The following SLIT1 variants were observed in gnomAD, a reference collection of about 807,000 sequenced individuals.
SLIT1 encodes the protein slit guidance ligand 1.
SLIT1 carries 66 observed loss-of-function variants against 186.1 expected under a neutral mutation model. The observed-to-expected ratio is 0.35, with a 90% CI of 0.29 to 0.44. SLIT1 has a LOEUF of 0.44. Among genes scored for constraint, SLIT1 ranks in the 20% least tolerant of loss-of-function variants. SLIT1 has a pLI of 1.00. For synonymous variants in SLIT1, 761 were observed against 833.8 expected (o/e 0.91, Z 1.50); for missense variants, 1,638 against 2,037.4 (o/e 0.80, Z 3.77).
intron 4 of SLIT1, among the ~76,000 whole-genome samples, chr10:97,086,097 C>T (rs887565988): frequency 6.6e-6 from 1 of 152,236 alleles, no homozygotes; most frequent in Non-Finnish European, 1.5e-5. Context: ...AGTGATCATG[C>T]TCCTTGGCGT....
At chr10:97,169,451 G>A (rs748850385) in intron 1 of SLIT1, among the ~76,000 whole-genome samples, 3 of 152,224 alleles carry the variant, frequency 2.0e-5, no homozygotes, top group Non-Finnish European at 2.9e-5. Context: ...CTTAACAGAG[G>A]CTGCTAGAAT....
At chr10:97,052,590 A>G (rs1848799832) in intron 13 of SLIT1, among the ~76,000 whole-genome samples, 1 of 152,218 alleles carries the variant, frequency 6.6e-6, no homozygotes, top group Non-Finnish European at 1.5e-5. Context: ...ACTGAATTGT[A>G]TACTTAGAAC....
chr10:97,170,516 C>A (rs1336194627), intron 1 of SLIT1, among the ~76,000 whole-genome samples: 1 of 152,178 alleles, frequency 6.6e-6, no homozygotes, highest in African/African-American at 2.4e-5. Flanking sequence ...CAGGGCCAAG[C>A]TGAACTGGGA....
intron 13 of SLIT1, among the ~76,000 whole-genome samples, chr10:97,055,076 G>A (rs559022250): frequency 6.6e-6 from 1 of 152,230 alleles, no homozygotes. Flanking sequence ...AATTAGCCAG[G>A]CGTGGTGACG....
rs181785352 is a variant in SLIT1, at chr10:97,099,635, C to T, written c.414-33549G>A. ...ACGTGTGTGTCAGGTGTGCAGGGAG[C>T]GGGGTGCTTCCAGTCTTTCCTTTCA... On this transcript the variant is annotated intron_variant, in intron 4 of 36. Coordinates refer to ENST00000266058, the MANE Select transcript of SLIT1 (RefSeq NM_003061.3). Among the ~76,000 whole-genome samples the T allele has an allele frequency of 1.5e-3, 233 of 152,236 alleles. 1 individual carries two copies. The highest frequency in any genetic ancestry group is 0.014 in the Middle Eastern group (4 of 294).
chr10:97,029,350 T>A (rs1304059965), intron 25 of SLIT1, among the ~76,000 whole-genome samples: 1 of 152,050 alleles, frequency 6.6e-6, no homozygotes, highest in Non-Finnish European at 1.5e-5. Flanking sequence ...TCAAGAAGAG[T>A]GGCTTGGGGC....
chr10:97,013,974 T>A, intron 29 of SLIT1, 45 bp downstream of exon 29: 1 of 1,604,108 alleles, frequency 6.2e-7, no homozygotes, highest in Non-Finnish European at 8.5e-7. Context: ...CAGGGCTGTC[T>A]CTGTTCCCCA....
intron 4 of SLIT1, among the ~76,000 whole-genome samples, chr10:97,141,736 T>C (rs371796963): frequency 1.2e-3 from 152 of 127,444 alleles, no homozygotes; most frequent in South Asian, 3.0e-3. Flanking sequence ...TGTACTGTAT[T>C]GTATCGTATC....
chr10:97,181,682 C>CA (rs1313706859), intron 1 of SLIT1, among the ~76,000 whole-genome samples: 454 of 151,690 alleles, frequency 3.0e-3, no homozygotes, highest in African/African-American at 0.011. Context: ...CCCATCTCTA[C>CA]AAAAAAGGAA....
intron 18 of SLIT1, among the ~76,000 whole-genome samples, 182 bp downstream of exon 18, chr10:97,046,472 G>C (rs1291124100): frequency 6.6e-6 from 1 of 152,246 alleles, no homozygotes; most frequent in Non-Finnish European, 1.5e-5. Context: ...CAAGAGAACA[G>C]GTCTCACCAT....
chr10:97,149,339 C>T (rs144643187), intron 4 of SLIT1, among the ~76,000 whole-genome samples: 1 of 152,322 alleles, frequency 6.6e-6, no homozygotes, highest in East Asian at 1.9e-4. Flanking sequence ...GAAAGCACTT[C>T]GAGAATCCAG....
chr10:97,090,716 C>T (rs1189136121), intron 4 of SLIT1, among the ~76,000 whole-genome samples: 2 of 152,218 alleles, frequency 1.3e-5, no homozygotes, highest in Admixed American at 1.3e-4. Context: ...GTGCCACCAA[C>T]AGCTCCCTTC....
At chr10:97,125,365 G>C (rs1656424802) in intron 4 of SLIT1, among the ~76,000 whole-genome samples, 1 of 151,940 alleles carries the variant, frequency 6.6e-6, no homozygotes, top group Non-Finnish European at 1.5e-5. Flanking sequence ...CAGAAATCCT[G>C]TCTGTACAAA....
At chr10:97,007,020 C>A in intron 31 of SLIT1, among the ~76,000 whole-genome samples, 1 of 152,124 alleles carries the variant, frequency 6.6e-6, no homozygotes, top group South Asian at 2.1e-4. Flanking sequence ...AATAACTCTG[C>A]AAGGCAGATT....
At chr10:97,180,845 C>G (rs1301326866) in intron 1 of SLIT1, among the ~76,000 whole-genome samples, 1 of 152,230 alleles carries the variant, frequency 6.6e-6, no homozygotes, top group African/African-American at 2.4e-5. Flanking sequence ...CCACCCAAAC[C>G]CTCGAGCCTC....
chr10:97,036,294 C>T (rs1848637907), intron 22 of SLIT1, among the ~76,000 whole-genome samples: 1 of 152,160 alleles, frequency 6.6e-6, no homozygotes, highest in South Asian at 2.1e-4. Context: ...TACTTCAGCC[C>T]CCAAGAGGCA....
At chr10:97,011,221 G>A (rs1848407945) in intron 30 of SLIT1, 91 bp from the exon 31 acceptor site, 8 of 857,620 alleles carry the variant, frequency 9.3e-6, no homozygotes, top group Admixed American at 1.9e-5. Context: ...CACACAGTCT[G>A]TACATGTGAG....
At position 97,043,083 on chromosome 10, in the gene SLIT1, C is replaced by T. The variant is rs749846511; in HGVS notation, c.1998-16G>A. ...CAGGAGATTCCTGGAAGAGGCAGGCCAGGCGGCCATGGAGACACTCTGCCC... is the reference window on the plus strand; with the variant it reads ...CAGGAGATTCCTGGAAGAGGCAGGCTAGGCGGCCATGGAGACACTCTGCCC... On this transcript the variant is annotated splice_polypyrimidine_tract_variant and intron_variant, in intron 19 of 36. Transcript: ENST00000266058. This position sits in a 1 kb window ranked among gnomAD's most constrained non-coding sequence, Gnocchi z 7.0. 6.2e-7 allele frequency: 1 copy of T among 1,611,708 alleles called. No homozygotes were observed. Among genetic ancestry groups the T allele is most frequent in the Non-Finnish European group, 8.5e-7 (1 of 1,178,740 alleles).
chr10:97,037,621 G>T, intron 22 of SLIT1, 77 bp downstream of exon 22: 1 of 1,142,020 alleles, frequency 8.8e-7, no homozygotes, highest in Non-Finnish European at 1.3e-6. Context: ...GAGGTCCGTA[G>T]GAAATTCCAG....
Sources: gnomAD v4.1 joint callset for allele counts (sites outside exome capture counted in the v4.1 genomes callset) on GRCh38, gnomAD v4.1.1 for gene constraint, Gnocchi (gnomAD v3.1) non-coding constraint, MANE v1.5 for transcripts, NCBI Gene and HGNC (gene_info 2026-07-23, HGNC 2026-07-21) for gene names.